LRP2: variants seen among roughly 807,000 people sequenced by gnomAD.
The protein encoded by LRP2 is LDL receptor related protein 2, also known as low-density lipoprotein receptor-related protein 2.
Under a neutral mutation model 531.0 loss-of-function variants are expected in LRP2, and 172 were observed. That is an observed-to-expected ratio of 0.32 (90% confidence interval 0.29 to 0.37). The LOEUF is 0.37. LRP2 is among the 10% of genes least tolerant of loss of function. The pLI is 1.00. For missense variants in LRP2, 5,167 were observed against 5,868.3 expected (o/e 0.88, Z 3.90); for synonymous variants, 1,992 against 2,027.6 (o/e 0.98, Z 0.47).
chr2:169,170,845 C>G (rs1038941049), intron 58 of LRP2, among the ~76,000 whole-genome samples, 178 bp from the exon 59 acceptor site: 1 of 150,458 alleles, frequency 6.6e-6, no homozygotes, highest in Non-Finnish European at 1.5e-5. Flanking sequence ...AATTTTGAGT[C>G]TGTAAAGAAT....
rs538030348 is a variant in LRP2 at position 169,335,044 on chromosome 2, G to T, written c.80-14160C>A. On this transcript the variant is annotated intron_variant, in intron 1 of 78. Coordinates refer to ENST00000649046, the MANE Select transcript of LRP2 (RefSeq NM_004525.3). Reference sequence around the variant, plus strand: ...AACACTGAAAGCACAGATGGTGGTGGTTGCCTCCACTGGCCCAGTCTTCGG... The same window carrying T: ...AACACTGAAAGCACAGATGGTGGTGTTTGCCTCCACTGGCCCAGTCTTCGG... Among the ~76,000 whole-genome samples the T allele has an allele frequency of 1.1e-4, 16 of 152,316 alleles. No homozygotes were observed. The Middle Eastern group carries it at 0.017, about 162-fold the overall frequency.
In LRP2 at chr2:169,239,633, A is replaced by G; in HGVS notation, c.4188T>C (p.Ile1396=). ...KTCEDIDECD[I]LGSCSQHCYN... is the part of the protein sequence containing the mutation. ...AACAGTGCTGGCTACAAGAGCCTAG[A>G]ATATCACATTCATCTATGTCTTCAC... Residue 1396 remains isoleucine, a synonymous_variant, in exon 26 of 79, where the codon ATT becomes ATC. Coordinates refer to ENST00000649046, the MANE Select transcript of LRP2 (RefSeq NM_004525.3). 6.2e-7 allele frequency: 1 copy of G among 1,614,136 alleles called. No homozygotes were observed. Among genetic ancestry groups the G allele is most frequent in the Non-Finnish European group, 8.5e-7 (1 of 1,179,966 alleles).
At position 169,143,978 on chromosome 2, in the gene LRP2, C is replaced by T. The variant is rs183448735; in HGVS notation, c.12989-1185G>A. ...TCTCATTACCATTTCGTCGGCCCTC[C>T]AGAGTGGAGATTTTCAAACTTGAAT... is the stretch of plus-strand genomic sequence containing the variant. On this transcript the variant is annotated intron_variant, in intron 70 of 78. Coordinates refer to ENST00000649046, the MANE Select transcript of LRP2 (RefSeq NM_004525.3). Among the ~76,000 whole-genome samples, 90 of 152,314 alleles carry T rather than the reference C, an allele frequency of 5.9e-4. 1 individual carries two copies. The highest frequency in any genetic ancestry group is 1.6e-3 in the Admixed American group (25 of 15,306).
chr2:169,256,279 T>C, intron 18 of LRP2, 43 bp from the exon 19 acceptor site: 1 of 1,578,062 alleles, frequency 6.3e-7, no homozygotes, highest in Non-Finnish European at 8.7e-7. Context: ...CCAAAAACTA[T>C]CAGAGCACCC....
intron 1 of LRP2, among the ~76,000 whole-genome samples, chr2:169,353,536 T>C (rs1045219203): frequency 6.6e-6 from 1 of 152,118 alleles, no homozygotes; most frequent in African/African-American, 2.4e-5. Flanking sequence ...CAACAAAAAG[T>C]ATTCTCCACA....
At chr2:169,140,395 G>A in intron 72 of LRP2, 60 bp downstream of exon 72, 2 of 1,322,250 alleles carry the variant, frequency 1.5e-6, no homozygotes, top group Admixed American at 3.4e-5. Flanking sequence ...CTACTTTAAG[G>A]TCTCAAATTT....
At position 169,270,192 on chromosome 2, in the gene LRP2, G is replaced by A. The variant is rs140971204; in HGVS notation, c.2320+712C>T. 6.8e-3 allele frequency among the ~76,000 whole-genome samples: 1,040 copies of A among 152,298 alleles called. 33 individuals are homozygous for A. Among genetic ancestry groups the A allele is most frequent in the East Asian group, 7.2e-3 (37 of 5,174 alleles). ...ACTAGTTCAACCATTGTGGAAGACA[G>A]TGTGGAGATTCCTCAGGGATCTAGA... is the stretch of plus-strand genomic sequence containing the variant. On this transcript the variant is annotated intron_variant, in intron 16 of 78. Transcript: ENST00000649046.
chr2:169,236,755 G>A (rs980625726), intron 28 of LRP2, among the ~76,000 whole-genome samples: 6 of 152,138 alleles, frequency 3.9e-5, no homozygotes, highest in African/African-American at 1.4e-4. Flanking sequence ...ATAATCATGA[G>A]TTATCAAAGT....
At chr2:169,304,699 A>G (rs944234561) in intron 4 of LRP2, among the ~76,000 whole-genome samples, 2 of 152,158 alleles carry the variant, frequency 1.3e-5, no homozygotes, top group African/African-American at 4.8e-5. Flanking sequence ...CATAATTTCC[A>G]GAGTGAAGGT....
At chr2:169,199,045 C>G (rs1303289201) in intron 44 of LRP2, 134 bp from the exon 45 acceptor site, 1 of 836,078 alleles carries the variant, frequency 1.2e-6, no homozygotes, top group East Asian at 2.8e-5. Context: ...ATCAGAAAGG[C>G]AGGATCCATG....
At chr2:169,132,827 A>C (rs1685343475) in intron 76 of LRP2, 146 bp from the exon 77 acceptor site, 1 of 676,960 alleles carries the variant, frequency 1.5e-6, no homozygotes. Flanking sequence ...TGCATGACCC[A>C]GTAGGCCAGG....
At chr2:169,199,013 G>T (rs1221684594) in intron 44 of LRP2, 102 bp from the exon 45 acceptor site, 4 of 1,227,448 alleles carry the variant, frequency 3.3e-6, no homozygotes, top group East Asian at 2.5e-5. Flanking sequence ...CAAACCACTG[G>T]AAGGGCGGCA....
At chr2:169,165,264 T>C (rs1686742263) in intron 62 of LRP2, among the ~76,000 whole-genome samples, 1 of 152,224 alleles carries the variant, frequency 6.6e-6, no homozygotes, top group Admixed American at 6.5e-5. Flanking sequence ...TCACTGACAT[T>C]TTCTAGGCAA....
intron 59 of LRP2, 62 bp from the exon 60 acceptor site, chr2:169,169,880 C>A: frequency 1.7e-6 from 2 of 1,144,378 alleles, no homozygotes; most frequent in Non-Finnish European, 2.7e-6. Flanking sequence ...TATTAGGTAC[C>A]TGGAGTATAG....
intron 47 of LRP2, 50 bp downstream of exon 47, chr2:169,193,711 G>A: frequency 6.2e-7 from 1 of 1,612,554 alleles, no homozygotes; most frequent in Non-Finnish European, 8.5e-7. Context: ...CAACTCTACT[G>A]TGTTTCCCTG....
intron 4 of LRP2, among the ~76,000 whole-genome samples, chr2:169,304,003 G>A (rs556055858): frequency 6.6e-6 from 1 of 152,274 alleles, no homozygotes; most frequent in South Asian, 2.1e-4. Flanking sequence ...TTTTACAGCA[G>A]CTACTTACAT....
intron 3 of LRP2, among the ~76,000 whole-genome samples, chr2:169,318,060 G>C (rs1014507037): frequency 3.9e-5 from 6 of 152,060 alleles, no homozygotes; most frequent in African/African-American, 1.2e-4. Context: ...CTGGGTGAGA[G>C]AGTGAGACCC....
intron 67 of LRP2, among the ~76,000 whole-genome samples, chr2:169,151,533 C>T (rs988279981): frequency 4.6e-5 from 7 of 152,022 alleles, no homozygotes; most frequent in Admixed American, 6.6e-5. Context: ...GAAAGAGCCC[C>T]GTTAGAATCA....
chr2:169,136,292 G>A (rs937636959), intron 76 of LRP2, among the ~76,000 whole-genome samples: 1 of 151,756 alleles, frequency 6.6e-6, no homozygotes, highest in Non-Finnish European at 1.5e-5. Context: ...GAAACACTGC[G>A]CATTATCTCT....
Sources: allele counts gnomAD v4.1 joint callset (sites outside exome capture counted in the v4.1 genomes callset), GRCh38; gene constraint gnomAD v4.1.1; transcripts MANE v1.5; gene names NCBI Gene and HGNC (gene_info 2026-07-23, HGNC 2026-07-21).